Variants in DLG2 observed in about 807,000 individuals in gnomAD.
DLG2 encodes the protein discs large MAGUK scaffold protein 2, also known as disks large homolog 2.
A neutral mutation model predicts 132.5 loss-of-function variants in DLG2; 45 were observed. The observed-to-expected ratio is 0.34, with a 90% confidence interval of 0.27 to 0.44. The LOEUF (loss-of-function observed/expected upper bound fraction) is 0.44, where lower values mean the gene tolerates loss of function less well. DLG2 is among the 20% of genes least tolerant of loss of function. The pLI, the probability that DLG2 is intolerant of heterozygous loss-of-function variation, is 1.00. For missense variants in DLG2, 1,045 were observed against 1,196.9 expected (o/e 0.87, Z 1.87); for synonymous variants, 424 against 419.6 (o/e 1.01, Z -0.13).
intron 3 of DLG2, among the ~76,000 whole-genome samples, chr11:85,398,279 G>A (rs946170916): frequency 6.6e-6 from 1 of 152,140 alleles, no homozygotes; most frequent in Admixed American, 6.6e-5. Flanking sequence ...ATTTAAAGCA[G>A]TTTGAAGAGG....
intron 3 of DLG2, among the ~76,000 whole-genome samples, chr11:85,410,069 T>C (rs891897136): frequency 4.6e-5 from 7 of 151,850 alleles, no homozygotes; most frequent in Admixed American, 2.6e-4. Context: ...TCAGCAGCAT[T>C]AAACATATGT....
intron 7 of DLG2, among the ~76,000 whole-genome samples, chr11:84,448,928 A>G (rs1199721045): frequency 2.0e-5 from 3 of 152,006 alleles, no homozygotes; most frequent in Non-Finnish European, 2.9e-5. Flanking sequence ...AATGAAGCAT[A>G]TCACTTGAAT....
chr11:84,035,490 G>A (rs1174355440), intron 11 of DLG2, among the ~76,000 whole-genome samples: 1 of 152,164 alleles, frequency 6.6e-6, no homozygotes, highest in Non-Finnish European at 1.5e-5. Context: ...AACTACAAAA[G>A]CTGTAGGCAG....
intron 6 of DLG2, among the ~76,000 whole-genome samples, chr11:84,903,830 G>A (rs1350795707): frequency 6.6e-6 from 1 of 151,934 alleles, no homozygotes; most frequent in Non-Finnish European, 1.5e-5. Flanking sequence ...AATGATTAAA[G>A]GCAAGTTACA....
chr11:84,727,291 C>A (rs568627291), intron 6 of DLG2, among the ~76,000 whole-genome samples: 1 of 152,116 alleles, frequency 6.6e-6, no homozygotes, highest in Non-Finnish European at 1.5e-5. Context: ...AGGAACGGGT[C>A]CAGTGTCAGT....
In DLG2 at chr11:83,563,987, A is replaced by AT. The variant is rs138857603; in HGVS notation, c.1941-22130dup. On this transcript the variant is annotated intron_variant, in intron 19 of 27. Coordinates refer to ENST00000376104, the MANE Select transcript of DLG2 (RefSeq NM_001142699.3). ...GTGATATTATCCATTGTTTTGATTT[A>AT]TTTTTTATCAAATAGCAGATAATTA... is the stretch of plus-strand genomic sequence containing the variant. Among the ~76,000 whole-genome samples, 944 of 152,166 alleles carry AT rather than the reference A, an allele frequency of 6.2e-3. 10 individuals carry two copies. The highest frequency in any genetic ancestry group is 0.021 in the African/African-American group (869 of 41,516).
Position 84,488,027 on chromosome 11 carries a change from TA to T in DLG2, c.519+46542del, listed in dbSNP as rs146471472. On this transcript the variant is annotated intron_variant, in intron 7 of 27. Coordinates refer to ENST00000376104, the MANE Select transcript of DLG2 (RefSeq NM_001142699.3). ...TGAATGACAGAGTAAAAAATAATTG[TA>T]AAGCTCAAGACATACTATCTTTAAT... 1.5e-3 allele frequency among the ~76,000 whole-genome samples: 221 copies of T among 152,302 alleles called. 3 individuals carry two copies. The East Asian group carries it at 0.039, about 27-fold the overall frequency.
chr11:85,033,014 A>G (rs2061153112), intron 6 of DLG2, among the ~76,000 whole-genome samples: 1 of 152,236 alleles, frequency 6.6e-6, no homozygotes, highest in South Asian at 2.1e-4. Context: ...TGCCAAGTGA[A>G]AAGCAAATCA....
chr11:85,220,630 A>AAG (rs2074571741), intron 4 of DLG2, among the ~76,000 whole-genome samples: 1 of 140,016 alleles, frequency 7.1e-6, no homozygotes, highest in Non-Finnish European at 1.6e-5. Context: ...TATCAAATAG[A>AAG]AAAAAAAATA....
intron 6 of DLG2, among the ~76,000 whole-genome samples, chr11:84,657,357 A>G (rs891511932): frequency 6.6e-5 from 10 of 152,292 alleles, no homozygotes; most frequent in Non-Finnish European, 1.3e-4. Context: ...GTAAGGAGCC[A>G]TAGAAAAGAG....
intron 6 of DLG2, among the ~76,000 whole-genome samples, chr11:84,930,332 A>C (rs1202429920): frequency 1.3e-5 from 2 of 152,158 alleles, no homozygotes; most frequent in African/African-American, 4.8e-5. Flanking sequence ...GTAAAGGACA[A>C]CTATGAGCTG....
intron 8 of DLG2, among the ~76,000 whole-genome samples, chr11:84,174,192 C>CAAATTGAT (rs2095892510): frequency 6.6e-6 from 1 of 151,452 alleles, no homozygotes; most frequent in East Asian, 1.9e-4. Flanking sequence ...CATTTGTTAT[C>CAAATTGAT]AATTCCCGCC....
chr11:84,146,755 C>A (rs1172160223), intron 9 of DLG2, among the ~76,000 whole-genome samples: 1 of 151,974 alleles, frequency 6.6e-6, no homozygotes, highest in East Asian at 1.9e-4. Context: ...TTTGGGGTAC[C>A]TAGATATAAG....
intron 7 of DLG2, among the ~76,000 whole-genome samples, chr11:84,306,074 G>C (rs2098214629): frequency 6.6e-6 from 1 of 151,896 alleles, no homozygotes; most frequent in South Asian, 2.1e-4. Context: ...GTTCACTAGG[G>C]ACTAAGGTTA....
At chr11:84,771,381 CT>C (rs1344406618) in intron 6 of DLG2, among the ~76,000 whole-genome samples, 3 of 151,976 alleles carry the variant, frequency 2.0e-5, no homozygotes, top group Non-Finnish European at 4.4e-5. Flanking sequence ...TGATACTGAG[CT>C]TTTTTTCATA....
intron 6 of DLG2, among the ~76,000 whole-genome samples, chr11:84,770,057 G>A (rs905116671): frequency 6.6e-6 from 1 of 152,156 alleles, no homozygotes; most frequent in African/African-American, 2.4e-5. Context: ...TGTGGGTTAT[G>A]GAGGTAGATT....
At chr11:84,332,204 C>CTTTT (rs35166465) in intron 7 of DLG2, among the ~76,000 whole-genome samples, 3 of 137,242 alleles carry the variant, frequency 2.2e-5, no homozygotes, top group Non-Finnish European at 4.7e-5. Context: ...TTTGCTTGTC[C>CTTTT]TTTTTTTTTT....
At chr11:84,425,670 TC>T in intron 7 of DLG2, among the ~76,000 whole-genome samples, 1 of 152,000 alleles carries the variant, frequency 6.6e-6, no homozygotes. Flanking sequence ...TCCTACAACA[TC>T]CCCTATCCTT....
At chr11:85,065,545 A>T (rs986267065) in intron 6 of DLG2, among the ~76,000 whole-genome samples, 9 of 147,268 alleles carry the variant, frequency 6.1e-5, no homozygotes, top group South Asian at 2.2e-4. Context: ...AGCTTTTTTT[A>T]AATTTTAATT....
Sources: gnomAD v4.1 joint callset for allele counts (sites outside exome capture counted in the v4.1 genomes callset) on GRCh38, gnomAD v4.1.1 for gene constraint, MANE v1.5 for transcripts, NCBI Gene and HGNC (gene_info 2026-07-23, HGNC 2026-07-21) for gene names.